SLC5A11: variants seen among roughly 807,000 people sequenced by gnomAD.
SLC5A11 encodes the protein sodium/myo-inositol cotransporter 2.
Under a neutral mutation model 69.8 loss-of-function variants are expected in SLC5A11, and 48 were observed. That is an observed-to-expected ratio of 0.69 (90% CI 0.55 to 0.87). The LOEUF (loss-of-function observed/expected upper bound fraction) is 0.87, where lower values mean the gene tolerates loss of function less well. SLC5A11 is among the 40% of genes least tolerant of loss of function. The pLI is 0.00. For synonymous variants in SLC5A11, 319 were observed against 342.4 expected (o/e 0.93, Z 0.75); for missense variants, 784 against 866.1 (o/e 0.91, Z 1.19).
intron 10 of SLC5A11, among the ~76,000 whole-genome samples, chr16:24,905,640 GCA>G (rs56335988): frequency 0.25 from 33,651 of 136,174 alleles, 4,511 homozygotes; most frequent in Non-Finnish European, 0.3. Flanking sequence ...GCGCGCGCGC[GCA>G]CACACACACA....
chr16:24,856,524 T>G (rs1424185984), intron 1 of SLC5A11, among the ~76,000 whole-genome samples: 3 of 140,512 alleles, frequency 2.1e-5, no homozygotes, highest in African/African-American at 2.7e-5. Flanking sequence ...GAGGCCGAGG[T>G]GGGTGGATCA....
intron 9 of SLC5A11, among the ~76,000 whole-genome samples, chr16:24,895,726 G>A (rs983002814): frequency 2.0e-5 from 3 of 152,140 alleles, no homozygotes; most frequent in Admixed American, 1.3e-4. Flanking sequence ...TCCTTGAAAC[G>A]TGTCCACCAA....
intron 5 of SLC5A11, among the ~76,000 whole-genome samples, chr16:24,872,518 C>T (rs902752944): frequency 6.6e-6 from 1 of 152,116 alleles, no homozygotes; most frequent in Non-Finnish European, 1.5e-5. Flanking sequence ...CTCACAATCT[C>T]TTTTAAATGT....
chr16:24,908,808 G>C (rs1377241335), intron 13 of SLC5A11, 73 bp from the exon 15 acceptor site: 1 of 1,447,606 alleles, frequency 6.9e-7, no homozygotes, highest in African/African-American at 1.4e-5. Flanking sequence ...ACAAGTCCTG[G>C]AGATGGCTTC....
At position 24,908,261 on chromosome 16, in the gene SLC5A11, A is replaced by T. The variant is rs961913690; in HGVS notation, c.1434+130A>T. 7 of 1,044,072 alleles carry T rather than the reference A, an allele frequency of 6.7e-6. No individual in the cohort carries two copies. The Admixed American group carries it at 1.9e-4, about 28-fold the overall frequency. The allele number at this position is 1,044,072 out of a possible 1,614,324, so 64.7% of individuals were successfully genotyped here. A position where few individuals can be genotyped will look rare whatever the true frequency, so the allele number is the denominator to read the frequency against. On this transcript the variant is annotated intron_variant, in intron 13 of 15. Coordinates refer to ENST00000347898, the Ensembl canonical transcript of SLC5A11. ...GGTGTTGAGAGGGAGGGTGAGTTCC[A>T]TTGGTGGAAGATACAGGGAGGGTGT...
intron 1 of SLC5A11, among the ~76,000 whole-genome samples, chr16:24,849,593 A>AAAAAAAAAAAAAAAAATATATATATATAT: frequency 2.8e-5 from 1 of 35,918 alleles, no homozygotes; most frequent in Non-Finnish European, 5.6e-5. Flanking sequence ...AAAAAAAAAA[A>AAAAAAAAAAAAAAAAATATATATATATAT]ATATATATAT....
intron 1 of SLC5A11, among the ~76,000 whole-genome samples, chr16:24,850,727 C>G (rs980414353): frequency 6.6e-6 from 1 of 152,134 alleles, no homozygotes; most frequent in Non-Finnish European, 1.5e-5. Context: ...TGGAGTTAAT[C>G]AGAGTCCTTG....
chr16:24,877,940 C>T (rs983915581), intron 7 of SLC5A11, among the ~76,000 whole-genome samples: 16 of 151,894 alleles, frequency 1.1e-4, no homozygotes, highest in Admixed American at 7.9e-4. Context: ...GCCAAGATCG[C>T]GCCACTGCAC....
intron 5 of SLC5A11, 111 bp from the exon 7 acceptor site, chr16:24,875,516 C>A (rs919062329): frequency 1.3e-6 from 1 of 799,592 alleles, no homozygotes; most frequent in Non-Finnish European, 2.1e-6. Context: ...CCAAGAAGAC[C>A]ATCTGTGCTC....
At chr16:24,873,255 AAGG>A (rs1215752032) in intron 5 of SLC5A11, among the ~76,000 whole-genome samples, 2 of 117,222 alleles carry the variant, frequency 1.7e-5, no homozygotes, top group Non-Finnish European at 3.6e-5. Flanking sequence ...GGGAGGAAGG[AAGG>A]AAGGAAGGAA....
intron 8 of SLC5A11, among the ~76,000 whole-genome samples, chr16:24,887,002 T>A (rs274067): frequency 1.3e-5 from 2 of 151,922 alleles, no homozygotes; most frequent in African/African-American, 4.8e-5. Flanking sequence ...AAAAATGTAG[T>A]GAGCTAAAAA....
At chr16:24,901,938 A>ACACACACACACACACACG (rs2049634426) in intron 10 of SLC5A11, among the ~76,000 whole-genome samples, 1 of 113,420 alleles carries the variant, frequency 8.8e-6, no homozygotes, top group Non-Finnish European at 1.8e-5. Context: ...AAATACACAC[A>ACACACACACACACACACG]CACACACACA....
intron 14 of SLC5A11, 89 bp from the exon 16 acceptor site, chr16:24,910,217 T>C: frequency 7.4e-7 from 1 of 1,349,838 alleles, no homozygotes; most frequent in East Asian, 2.3e-5. Context: ...AAAGGCTGAG[T>C]GTGGGGTTGG....
At chr16:24,905,640 G>GCGCGCGCGCGCA (rs1443035551) in intron 10 of SLC5A11, among the ~76,000 whole-genome samples, 24 of 136,778 alleles carry the variant, frequency 1.8e-4, no homozygotes, top group South Asian at 1.7e-3. Flanking sequence ...GCGCGCGCGC[G>GCGCGCGCGCGCA]CACACACACA....
chr16:24,881,537 A>T (rs1375200173), intron 7 of SLC5A11, among the ~76,000 whole-genome samples: 1 of 152,082 alleles, frequency 6.6e-6, no homozygotes, highest in Non-Finnish European at 1.5e-5. Context: ...ATCCGCCTGC[A>T]TCAGCCTCCC....
chr16:24,889,594 G>A (rs967132828), intron 8 of SLC5A11, among the ~76,000 whole-genome samples: 8 of 111,930 alleles, frequency 7.1e-5, no homozygotes, highest in Admixed American at 7.0e-4. Flanking sequence ...GCTCTGTCAC[G>A]CAGGCTGGAA....
exon 12 of SLC5A11, chr16:24,907,056 G>A (rs781403589): frequency 1.2e-6 from 2 of 1,614,138 alleles, no homozygotes; most frequent in Non-Finnish European, 1.7e-6. Context: ...CTGTGATGGT[G>A]GCGGCTCTCA....
chr16:24,895,811 T>C (rs1188071757), intron 9 of SLC5A11, among the ~76,000 whole-genome samples: 2 of 152,188 alleles, frequency 1.3e-5, no homozygotes, highest in Non-Finnish European at 2.9e-5. Context: ...CTTGAGCACA[T>C]TGATGCCTTC....
intron 1 of SLC5A11, among the ~76,000 whole-genome samples, chr16:24,854,291 A>T (rs931281915): frequency 6.6e-6 from 1 of 152,204 alleles, no homozygotes; most frequent in Non-Finnish European, 1.5e-5. Context: ...ATCCTGTTTT[A>T]GAAGCAGCAG....
Sources: gnomAD v4.1 joint callset for allele counts (sites outside exome capture counted in the v4.1 genomes callset) on GRCh38, gnomAD v4.1.1 for gene constraint, MANE v1.5 for transcripts, NCBI Gene and HGNC (gene_info 2026-07-23, HGNC 2026-07-21) for gene names.